CFAP54: variants seen among roughly 807,000 people sequenced by gnomAD.
The protein encoded by CFAP54 is cilia- and flagella-associated protein 54.
CFAP54 carries 290 observed loss-of-function variants against 370.4 expected under a neutral mutation model. The ratio of observed to expected loss-of-function variants is 0.78; its 90% CI spans 0.71 to 0.86. The LOEUF is 0.86. Ranked by LOEUF, CFAP54 falls within the 40% of genes least tolerant of loss-of-function variation. The probability of loss-of-function intolerance (pLI) is 0.00; values close to 1 mark genes in which losing one functional copy is unlikely to be tolerated. For synonymous variants in CFAP54, 1,206 were observed against 1,236.5 expected (o/e 0.98, Z 0.52); for missense variants, 3,399 against 3,528.7 (o/e 0.96, Z 0.93).
At chr12:96,532,692 T>A (rs1200909328) in intron 9 of CFAP54, among the ~76,000 whole-genome samples, 3 of 152,078 alleles carry the variant, frequency 2.0e-5, no homozygotes, top group East Asian at 1.9e-4. Flanking sequence ...GCGATCATTC[T>A]TCACTGTAAC....
intron 32 of CFAP54, among the ~76,000 whole-genome samples, chr12:96,633,167 A>G (rs1956626954): frequency 6.6e-6 from 1 of 152,152 alleles, no homozygotes; most frequent in Non-Finnish European, 1.5e-5. Flanking sequence ...ATTCCTTTCT[A>G]ATGCTCCAGC....
At position 96,835,344 on chromosome 12, in the gene CFAP54, G is replaced by T. The variant is rs978094497; in HGVS notation, c.9171+6256G>T. Among the ~76,000 whole-genome samples the T allele has an allele frequency of 6.6e-5, 10 of 152,220 alleles. No homozygotes were observed. In the East Asian group the frequency reaches 1.9e-3, roughly 29 times the overall value. On this transcript the variant is annotated intron_variant, in intron 66 of 67. Coordinates refer to ENST00000524981, the MANE Select transcript of CFAP54 (RefSeq NM_001306084.2). ...CTGGCTGAACTCAGGGCTTTTATGG[G>T]CCTCAGAGGGAAGGAATGCATGCCA...
chr12:96,521,543 TGTGTGC>T (rs879648031), intron 6 of CFAP54, among the ~76,000 whole-genome samples: 6,323 of 48,692 alleles, frequency 0.13, 164 homozygotes, highest in East Asian at 0.3. Flanking sequence ...TGTGTGTGTG[TGTGTGC>T]GCGTGCGCAC....
At chr12:96,696,012 G>A (rs866540169) in intron 45 of CFAP54, among the ~76,000 whole-genome samples, 32 of 152,186 alleles carry the variant, frequency 2.1e-4, no homozygotes, top group Middle Eastern at 6.8e-3. Context: ...CCAGGAGTTC[G>A]AAAGAGGAAA....
At chr12:96,864,807 T>C (rs1253737306) in intron 67 of CFAP54, among the ~76,000 whole-genome samples, 1 of 152,168 alleles carries the variant, frequency 6.6e-6, no homozygotes, top group East Asian at 1.9e-4. Context: ...TGCTCCACAT[T>C]ACTTTAGGTT....
At chr12:96,736,224 CT>C (rs1314588433) in intron 50 of CFAP54, among the ~76,000 whole-genome samples, 1 of 152,182 alleles carries the variant, frequency 6.6e-6, no homozygotes, top group Non-Finnish European at 1.5e-5. Context: ...TCCATCTTCT[CT>C]CTTTCAGCAT....
intron 65 of CFAP54, among the ~76,000 whole-genome samples, chr12:96,826,548 TATATATA>T (rs1232038607): frequency 0.011 from 987 of 86,196 alleles, 18 homozygotes; most frequent in African/African-American, 0.04. Flanking sequence ...ATATATAATT[TATATATA>T]ATATATAATA....
At chr12:96,793,090 G>T (rs1290499118) in intron 63 of CFAP54, among the ~76,000 whole-genome samples, 1 of 151,770 alleles carries the variant, frequency 6.6e-6, no homozygotes, top group African/African-American at 2.4e-5. Context: ...AGGAACAGGT[G>T]GTTTTTGGTT....
chr12:96,658,963 G>T (rs1683582041), intron 38 of CFAP54, among the ~76,000 whole-genome samples: 1 of 152,144 alleles, frequency 6.6e-6, no homozygotes, highest in South Asian at 2.1e-4. Flanking sequence ...CACCAGATGT[G>T]TGGGAATTTC....
intron 65 of CFAP54, 125 bp downstream of exon 65, chr12:96,818,038 C>T (rs888907172): frequency 1.5e-6 from 1 of 659,472 alleles, no homozygotes; most frequent in Non-Finnish European, 2.2e-6. Context: ...GAGTACGAGA[C>T]ATGACTCAAC....
At chr12:96,525,244 T>C (rs1381540096) in intron 8 of CFAP54, among the ~76,000 whole-genome samples, 1 of 151,916 alleles carries the variant, frequency 6.6e-6, no homozygotes, top group Non-Finnish European at 1.5e-5. Context: ...TTTCATTGTG[T>C]GAATTATTTT....
At chr12:96,729,133 G>T (rs921347491) in intron 50 of CFAP54, among the ~76,000 whole-genome samples, 5 of 151,900 alleles carry the variant, frequency 3.3e-5, no homozygotes, top group African/African-American at 1.2e-4. Context: ...CAGGGGTCGG[G>T]GACCCACTTG....
chr12:96,783,724 TA>T (rs1854203252), intron 60 of CFAP54, among the ~76,000 whole-genome samples: 1 of 152,128 alleles, frequency 6.6e-6, no homozygotes, highest in South Asian at 2.1e-4. Context: ...CCGTTTCTAC[TA>T]AAAACACAAA....
At chr12:96,595,526 G>A (rs561628418) in intron 25 of CFAP54, among the ~76,000 whole-genome samples, 19 of 152,148 alleles carry the variant, frequency 1.2e-4, no homozygotes, top group Non-Finnish European at 1.5e-5. Context: ...GAAGATGTGA[G>A]TGAACTCACA....
chr12:96,640,282 A>G (rs1430996576), intron 32 of CFAP54, among the ~76,000 whole-genome samples: 1 of 152,216 alleles, frequency 6.6e-6, no homozygotes, highest in Non-Finnish European at 1.5e-5. Flanking sequence ...TTATACAACA[A>G]TAACAGACAA....
At chr12:96,630,277 C>A in intron 31 of CFAP54, 73 bp downstream of exon 31, 1 of 715,634 alleles carries the variant, frequency 1.4e-6, no homozygotes, top group Non-Finnish European at 2.2e-6. Context: ...TGATTGGCTA[C>A]ATTTAAACTC....
intron 23 of CFAP54, among the ~76,000 whole-genome samples, chr12:96,590,222 AG>A (rs983844662): frequency 2.5e-4 from 38 of 152,256 alleles, no homozygotes; most frequent in African/African-American, 8.7e-4. Context: ...ATGGTCTGAC[AG>A]GTTGACTGTT....
chr12:96,538,617 G>T, intron 13 of CFAP54, 99 bp downstream of exon 13: 1 of 1,211,100 alleles, frequency 8.3e-7, no homozygotes, highest in Non-Finnish European at 1.1e-6. Context: ...TTTTCACCTG[G>T]TTAATGACTT....
At chr12:96,809,977 C>T (rs974523689) in intron 63 of CFAP54, among the ~76,000 whole-genome samples, 1 of 152,110 alleles carries the variant, frequency 6.6e-6, no homozygotes, top group Non-Finnish European at 1.5e-5. Context: ...TTGTACCTAA[C>T]GTCCCTTAGC....
Sources: allele counts gnomAD v4.1 joint callset (sites outside exome capture counted in the v4.1 genomes callset), GRCh38; gene constraint gnomAD v4.1.1; transcripts MANE v1.5; gene names NCBI Gene and HGNC (gene_info 2026-07-23, HGNC 2026-07-21).